The following TENM1 variants were observed in gnomAD, a reference collection of about 807,000 sequenced individuals.
The protein encoded by TENM1 is teneurin-1.
Under a neutral mutation model 174.8 loss-of-function variants are expected in TENM1, and 35 were observed. The ratio of observed to expected loss-of-function variants is 0.20; its 90% CI spans 0.15 to 0.27. TENM1 has a LOEUF of 0.27. Among genes scored for constraint, TENM1 ranks in the 10% least tolerant of loss-of-function variants. The probability of loss-of-function intolerance (pLI) is 1.00; values close to 1 mark genes in which losing one functional copy is unlikely to be tolerated. For missense variants in TENM1, 1,633 were observed against 2,130.1 expected (o/e 0.77, Z 4.59); for synonymous variants, 781 against 798.7 (o/e 0.98, Z 0.37).
intron 3 of TENM1, among the ~76,000 whole-genome samples, chrX:124,828,028 G>A (rs1478623311): frequency 9.0e-6 from 1 of 111,638 alleles, no homozygotes; most frequent in Admixed American, 9.6e-5. Context: ...ATGACATAAG[G>A]AAAGTAGAGA....
intron 1 of TENM1, among the ~76,000 whole-genome samples, chrX:124,927,636 G>A (rs1260815812): frequency 1.8e-5 from 2 of 111,222 alleles, no homozygotes; most frequent in African/African-American, 6.5e-5. Context: ...TTCTCAACTC[G>A]GCATACCTAT....
chrX:124,705,072 G>A, exon 5 of TENM1: 1 of 1,211,506 alleles, frequency 8.3e-7, no homozygotes, highest in Non-Finnish European at 1.1e-6. Flanking sequence ...GCTCAATGCT[G>A]TGCACTTCCA....
intron 3 of TENM1, among the ~76,000 whole-genome samples, chrX:124,779,965 C>T (rs1015301638): frequency 4.5e-5 from 5 of 111,788 alleles, no homozygotes; most frequent in African/African-American, 1.3e-4. Context: ...CAATCCCATA[C>T]TTTTATTTTA....
intron 23 of TENM1, among the ~76,000 whole-genome samples, chrX:124,423,876 G>C (rs933479695): frequency 8.9e-6 from 1 of 111,842 alleles, no homozygotes; most frequent in Non-Finnish European, 1.9e-5. Flanking sequence ...CAGTGTGACT[G>C]TATTTGTAGA....
At chrX:124,943,421 G>A (rs993688891) in intron 1 of TENM1, among the ~76,000 whole-genome samples, 1 of 111,664 alleles carries the variant, frequency 9.0e-6, no homozygotes, top group Non-Finnish European at 1.9e-5. Context: ...ACGATTATAA[G>A]GCTACAAATG....
chrX:124,422,257 C>T lies in TENM1; in HGVS notation c.4471+15G>A. On this transcript the variant is annotated intron_variant, in intron 24 of 31. Transcript: ENST00000422452. ...ACAGAGAGGGGAAGCTGGTGAATTG[C>T]TAAAAAGGTCATACCTGAAAAACAG... 1 of 1,193,502 alleles carries T rather than the reference C, an allele frequency of 8.4e-7. No homozygotes were observed. Among genetic ancestry groups the T allele is most frequent in the East Asian group, 3.0e-5 (1 of 33,695 alleles).
intron 1 of TENM1, among the ~76,000 whole-genome samples, chrX:124,911,775 T>C (rs1231060135): frequency 8.9e-6 from 1 of 111,839 alleles, no homozygotes; most frequent in Non-Finnish European, 1.9e-5. Context: ...TTGTTTGCCT[T>C]AGATTATATC....
At chrX:124,965,262 G>A (rs2058712020), upstream of TENM1, among the ~76,000 whole-genome samples, 1 of 111,011 alleles carries the variant, frequency 9.0e-6, no homozygotes, top group Admixed American at 9.6e-5. Flanking sequence ...TGTATTTTTA[G>A]TAGAGACGGG....
chrX:124,774,122 G>A (rs767413782), intron 3 of TENM1, among the ~76,000 whole-genome samples: 5 of 111,946 alleles, frequency 4.5e-5, no homozygotes, highest in East Asian at 2.8e-4. Flanking sequence ...AAATGCATAC[G>A]TTTAAAATGG....
intron 3 of TENM1, among the ~76,000 whole-genome samples, chrX:124,827,111 C>T (rs762944963): frequency 3.6e-5 from 4 of 111,481 alleles, no homozygotes; most frequent in Non-Finnish European, 5.7e-5. Flanking sequence ...AGTGCAGTGG[C>T]GCGATCTCAG....
chrX:124,434,328 A>T lies in TENM1; in HGVS notation c.4105-11690T>A, dbSNP rs1308601274. On this transcript the variant is annotated intron_variant, in intron 23 of 31. Coordinates refer to ENST00000422452, the Ensembl canonical transcript of TENM1. ...ACTCTATTATATAAGGGTTTCCTTGAAGCTCATTAAGAAAAAAGCATATAT... is the reference window on the plus strand; with the variant it reads ...ACTCTATTATATAAGGGTTTCCTTGTAGCTCATTAAGAAAAAAGCATATAT... Among the ~76,000 whole-genome samples, 4 of 111,620 alleles carry T rather than the reference A, an allele frequency of 3.6e-5. No homozygotes were observed. In the East Asian group the frequency reaches 1.1e-3, roughly 31 times the overall value.
intron 4 of TENM1, among the ~76,000 whole-genome samples, chrX:124,725,758 C>T (rs1002643908): frequency 1.8e-5 from 2 of 112,398 alleles, no homozygotes; most frequent in Admixed American, 9.4e-5. Flanking sequence ...CACACACACA[C>T]GTGCAGATAC....
intron 23 of TENM1, among the ~76,000 whole-genome samples, chrX:124,433,369 A>G (rs182491113): frequency 9.2e-4 from 103 of 112,200 alleles, no homozygotes; most frequent in African/African-American, 3.3e-3. Flanking sequence ...GGCAGTGTTA[A>G]GGGGATGACT....
intron 3 of TENM1, among the ~76,000 whole-genome samples, chrX:124,775,621 A>G (rs1056344429): frequency 2.7e-5 from 3 of 112,170 alleles, no homozygotes; most frequent in Admixed American, 9.5e-5. Context: ...TTTGGACATT[A>G]TCATCGTGAG....
chrX:124,807,851 C>A (rs1436688102), intron 3 of TENM1, among the ~76,000 whole-genome samples: 3 of 98,128 alleles, frequency 3.1e-5, no homozygotes, highest in Non-Finnish European at 6.1e-5. Context: ...AGTAAGGAAT[C>A]AAAATATATC....
intron 22 of TENM1, among the ~76,000 whole-genome samples, chrX:124,481,332 G>A (rs141210327): frequency 0.013 from 1,394 of 111,012 alleles, 27 homozygotes; most frequent in African/African-American, 0.043. Context: ...GCAGGCTGAA[G>A]AGCCAAAGCA....
Position 124,853,363 on chromosome X carries a change from G to A in TENM1, c.535+40933C>T, listed in dbSNP as rs968879427. On this transcript the variant is annotated intron_variant, in intron 3 of 31. Transcript: ENST00000422452. ...AACTGAGGACTAAATGGTAAATGAG[G>A]AAGTATTTATGAGGGAATAGAGAGA... Among the ~76,000 whole-genome samples, 3 of 111,203 alleles carry A rather than the reference G, an allele frequency of 2.7e-5. No homozygotes were observed. In the Admixed American group the frequency reaches 2.9e-4, roughly 11 times the overall value.
At chrX:124,644,793 T>A (rs1454728860) in intron 10 of TENM1, among the ~76,000 whole-genome samples, 1 of 111,769 alleles carries the variant, frequency 8.9e-6, no homozygotes, top group Admixed American at 9.5e-5. Context: ...TGCTTTAAAG[T>A]GAGATGTAGC....
intron 1 of TENM1, among the ~76,000 whole-genome samples, chrX:124,901,875 T>C (rs1287679603): frequency 1.8e-5 from 2 of 111,938 alleles, no homozygotes; most frequent in Admixed American, 9.6e-5. Flanking sequence ...GTGTGATTAA[T>C]TTTAACCATG....
Sources: allele counts gnomAD v4.1 joint callset (sites outside exome capture counted in the v4.1 genomes callset), GRCh38; gene constraint gnomAD v4.1.1; transcripts MANE v1.5; gene names NCBI Gene and HGNC (gene_info 2026-07-23, HGNC 2026-07-21).